The following ROBO1 variants were observed in gnomAD, a reference collection of about 807,000 sequenced individuals.
ROBO1 encodes roundabout homolog 1.
ROBO1 carries 149 observed loss-of-function variants against 195.9 expected under a neutral mutation model. That is an observed-to-expected ratio of 0.76 (90% CI 0.67 to 0.87). ROBO1 has a LOEUF of 0.87. Among genes scored for constraint, ROBO1 ranks in the 40% least tolerant of loss-of-function variants. ROBO1 has a pLI of 0.00. For synonymous variants in ROBO1, 816 were observed against 733.2 expected, an observed-to-expected ratio of 1.11 and a Z score of -1.82; for missense variants, 1,933 against 2,068.3, an observed-to-expected ratio of 0.93 and a Z score of 1.27.
At chr3:78,670,438 T>C in intron 10 of ROBO1, 137 bp from the exon 11 acceptor site, 1 of 688,282 alleles carries the variant, frequency 1.5e-6, no homozygotes, top group East Asian at 2.7e-5. Context: ...AGACATGCAT[T>C]ATTCAAAATG....
At position 79,273,724 on chromosome 3, in the gene ROBO1, G is replaced by GA. The variant is rs905436826; in HGVS notation, c.89-148186dup. Among the ~76,000 whole-genome samples, 50 of 141,010 alleles carry GA rather than the reference G, an allele frequency of 3.5e-4. 1 individual carries two copies. The highest frequency in any genetic ancestry group is 2.2e-3 in the South Asian group (10 of 4,448). 92.5% of individuals were successfully genotyped at this position (141,010 alleles called of 152,430 possible). A position where few individuals can be genotyped will look rare whatever the true frequency, so the allele number is the denominator to read the frequency against. ...TCCAATCAAAAGACAGTGACTGAAT[G>GA]AAAAAAAAAAGACTCAACAATCTGT... On this transcript the variant is annotated intron_variant, in intron 2 of 30. Coordinates refer to ENST00000464233, the MANE Select transcript of ROBO1 (RefSeq NM_002941.4).
intron 8 of ROBO1, among the ~76,000 whole-genome samples, 172 bp from the exon 9 acceptor site, chr3:78,688,944 G>A (rs764641045): frequency 9.2e-5 from 14 of 152,290 alleles, no homozygotes; most frequent in Non-Finnish European, 1.9e-4. Flanking sequence ...TAAGTTCATA[G>A]TTAGAAAATG....
At chr3:78,876,990 G>C (rs961701444) in intron 4 of ROBO1, among the ~76,000 whole-genome samples, 1 of 151,904 alleles carries the variant, frequency 6.6e-6, no homozygotes, top group Non-Finnish European at 1.5e-5. Flanking sequence ...TATGTGGCTT[G>C]GTGTCTACGA....
intron 2 of ROBO1, among the ~76,000 whole-genome samples, chr3:79,149,248 G>C (rs2080715729): frequency 6.6e-6 from 1 of 151,840 alleles, no homozygotes; most frequent in Non-Finnish European, 1.5e-5. Flanking sequence ...AAGCAAACTA[G>C]TTATCAGTTT....
At chr3:79,077,119 T>TGTAC (rs1424641530) in intron 3 of ROBO1, among the ~76,000 whole-genome samples, 1 of 151,934 alleles carries the variant, frequency 6.6e-6, no homozygotes, top group Non-Finnish European at 1.5e-5. Context: ...GCACTCATGC[T>TGTAC]GTACGTGAGA....
intron 1 of ROBO1, among the ~76,000 whole-genome samples, chr3:79,764,723 A>G (rs62256881): frequency 0.13 from 19,873 of 152,236 alleles, 1,358 homozygotes; most frequent in African/African-American, 0.14. Context: ...TACTTTCCAA[A>G]TAGTGCACAC....
chr3:78,814,485 T>C (rs905421615), intron 4 of ROBO1, among the ~76,000 whole-genome samples: 1 of 151,820 alleles, frequency 6.6e-6, no homozygotes, highest in African/African-American at 2.4e-5. Context: ...GTGGCCAGAG[T>C]CTACCTTATT....
intron 4 of ROBO1, among the ~76,000 whole-genome samples, chr3:78,793,421 C>T (rs1186411494): frequency 6.6e-6 from 1 of 152,176 alleles, no homozygotes; most frequent in African/African-American, 2.4e-5. Flanking sequence ...CTGATAAACA[C>T]TTTTAATTGG....
intron 1 of ROBO1, among the ~76,000 whole-genome samples, chr3:79,734,212 G>T (rs929763594): frequency 6.6e-6 from 1 of 152,054 alleles, no homozygotes; most frequent in Non-Finnish European, 1.5e-5. Context: ...CTCCCAAAGT[G>T]CTGGGATTAC....
At chr3:78,973,017 A>C (rs2076803301) in intron 3 of ROBO1, among the ~76,000 whole-genome samples, 1 of 152,220 alleles carries the variant, frequency 6.6e-6, no homozygotes, top group African/African-American at 2.4e-5. Flanking sequence ...AAAGAGAACC[A>C]GAGCACACTG....
chr3:79,754,834 T>G (rs1053866152), intron 1 of ROBO1, among the ~76,000 whole-genome samples: 8 of 152,202 alleles, frequency 5.3e-5, no homozygotes, highest in Admixed American at 4.6e-4. Context: ...TATTTTCCCC[T>G]ACCCAAGCTC....
At chr3:79,444,226 AT>A (rs1158498863) in intron 2 of ROBO1, among the ~76,000 whole-genome samples, 66 of 152,226 alleles carry the variant, frequency 4.3e-4, no homozygotes, top group African/African-American at 1.6e-3. Context: ...GAGAGAAGAC[AT>A]TACAGGCATT....
intron 3 of ROBO1, among the ~76,000 whole-genome samples, chr3:78,992,855 C>T (rs556785686): frequency 6.6e-6 from 1 of 152,272 alleles, no homozygotes; most frequent in East Asian, 1.9e-4. Context: ...CAACAAAACC[C>T]TTGTTCAAGG....
At chr3:79,726,721 AT>A (rs1702941641) in intron 1 of ROBO1, among the ~76,000 whole-genome samples, 2 of 152,280 alleles carry the variant, frequency 1.3e-5, no homozygotes, top group South Asian at 4.1e-4. Context: ...AGCCAAATAC[AT>A]TTGTACCTAT....
intron 3 of ROBO1, among the ~76,000 whole-genome samples, chr3:78,985,068 C>A (rs749396263): frequency 2.6e-5 from 4 of 152,154 alleles, no homozygotes; most frequent in Admixed American, 2.6e-4. Context: ...AATCCCAGCA[C>A]TTTGGGAGGC....
chr3:78,734,382 G>A (rs2082346424), intron 5 of ROBO1, among the ~76,000 whole-genome samples: 2 of 122,504 alleles, frequency 1.6e-5, no homozygotes, highest in Admixed American at 1.9e-4. Flanking sequence ...GCAACATGGT[G>A]AGACCCCACC....
chr3:78,983,904 G>A (rs1035861012), intron 3 of ROBO1, among the ~76,000 whole-genome samples: 2 of 152,086 alleles, frequency 1.3e-5, no homozygotes, highest in Non-Finnish European at 2.9e-5. Context: ...AAAAATTTAA[G>A]GCCAAATGGC....
chr3:79,440,621 G>T (rs1347417457), intron 2 of ROBO1, among the ~76,000 whole-genome samples: 1 of 152,016 alleles, frequency 6.6e-6, no homozygotes, highest in Non-Finnish European at 1.5e-5. Flanking sequence ...CTTTGTTCTG[G>T]TGACAATTTC....
chr3:79,365,700 A>C (rs2035946668), intron 2 of ROBO1, among the ~76,000 whole-genome samples: 1 of 152,006 alleles, frequency 6.6e-6, no homozygotes, highest in Non-Finnish European at 1.5e-5. Context: ...GATCGAGACC[A>C]TCCTGGCTAA....
Sources: gnomAD v4.1 joint callset for allele counts (sites outside exome capture counted in the v4.1 genomes callset) on GRCh38, gnomAD v4.1.1 for gene constraint, MANE v1.5 for transcripts, NCBI Gene and HGNC (gene_info 2026-07-23, HGNC 2026-07-21) for gene names.